The following NCAM2 variants were observed in gnomAD, a reference collection of about 807,000 sequenced individuals.
The protein encoded by NCAM2 is N-CAM-2.
NCAM2 carries 30 observed loss-of-function variants against 98.1 expected under a neutral mutation model. The ratio of observed to expected loss-of-function variants is 0.31; its 90% CI spans 0.23 to 0.41. The LOEUF is 0.41. Among genes scored for constraint, NCAM2 ranks in the 10% least tolerant of loss-of-function variants. The probability of loss-of-function intolerance (pLI) is 1.00; values close to 1 mark genes in which losing one functional copy is unlikely to be tolerated. For synonymous variants in NCAM2, 368 were observed against 342.4 expected (o/e 1.07, Z -0.83); for missense variants, 867 against 1,005.8 (o/e 0.86, Z 1.87).
chr21:21,427,217 A>G (rs1326640324), intron 11 of NCAM2, among the ~76,000 whole-genome samples: 1 of 149,594 alleles, frequency 6.7e-6, no homozygotes, highest in Non-Finnish European at 1.5e-5. Flanking sequence ...AGAGAGTGGG[A>G]TTGAAAACAA....
At chr21:21,445,482 G>A (rs369379510) in intron 12 of NCAM2, among the ~76,000 whole-genome samples, 2 of 152,246 alleles carry the variant, frequency 1.3e-5, no homozygotes. Context: ...CTCTTTGTAG[G>A]TCTGTAAGAG....
intron 1 of NCAM2, among the ~76,000 whole-genome samples, chr21:21,030,561 A>G (rs545372995): frequency 1.2e-4 from 19 of 152,174 alleles, no homozygotes; most frequent in Non-Finnish European, 2.2e-4. Context: ...CACTCCTGCA[A>G]AGTCTTTTTG....
chr21:21,189,421 T>C (rs1435784732), intron 1 of NCAM2, among the ~76,000 whole-genome samples: 1 of 152,190 alleles, frequency 6.6e-6, no homozygotes, highest in Non-Finnish European at 1.5e-5. Context: ...GATTAATAAG[T>C]GAATGTTAAA....
chr21:21,279,726 A>G (rs758931981), intron 1 of NCAM2, among the ~76,000 whole-genome samples: 13 of 152,174 alleles, frequency 8.5e-5, no homozygotes, highest in Non-Finnish European at 1.8e-4. Context: ...TGAAATAAGC[A>G]TTTTGGTTAC....
intron 5 of NCAM2, among the ~76,000 whole-genome samples, chr21:21,299,349 A>T (rs969166784): frequency 6.6e-6 from 1 of 151,056 alleles, no homozygotes; most frequent in Non-Finnish European, 1.5e-5. Flanking sequence ...ATAAAAGCAT[A>T]GGTATTCGGA....
intron 5 of NCAM2, among the ~76,000 whole-genome samples, chr21:21,306,526 T>G (rs1313641062): frequency 3.3e-5 from 5 of 152,134 alleles, no homozygotes; most frequent in Non-Finnish European, 5.9e-5. Context: ...ATGGTGTATC[T>G]TTTTTCCTTT....
intron 13 of NCAM2, among the ~76,000 whole-genome samples, 166 bp from the exon 14 acceptor site, chr21:21,468,496 G>A (rs62216067): frequency 0.029 from 4,352 of 152,030 alleles, 101 homozygotes; most frequent in Admixed American, 0.064. Context: ...CTGCTTCTTG[G>A]ATGGGGAAAA....
At chr21:21,528,558 A>G (rs1257299448) in intron 16 of NCAM2, among the ~76,000 whole-genome samples, 1 of 152,224 alleles carries the variant, frequency 6.6e-6, no homozygotes, top group Admixed American at 6.5e-5. Context: ...TTTGTAGTTT[A>G]TAATTGCTGG....
chr21:21,138,382 C>A (rs1055038585), intron 1 of NCAM2, among the ~76,000 whole-genome samples: 2 of 152,108 alleles, frequency 1.3e-5, no homozygotes, highest in Non-Finnish European at 2.9e-5. Context: ...ATGTGTTTGA[C>A]CTGTCGTTTC....
chr21:21,212,705 C>CTTCTTATA (rs1474924581), intron 1 of NCAM2, among the ~76,000 whole-genome samples: 1 of 146,968 alleles, frequency 6.8e-6, no homozygotes, highest in East Asian at 2.0e-4. Context: ...CTCTATATTG[C>CTTCTTATA]TTCTTATATT....
At chr21:21,190,432 A>T (rs1279209330) in intron 1 of NCAM2, among the ~76,000 whole-genome samples, 1 of 152,148 alleles carries the variant, frequency 6.6e-6, no homozygotes, top group East Asian at 1.9e-4. Context: ...GGGGCAAGAG[A>T]AGAAATTTCA....
intron 12 of NCAM2, among the ~76,000 whole-genome samples, chr21:21,437,475 T>C (rs1978540474): frequency 4.6e-5 from 1 of 21,594 alleles, no homozygotes; most frequent in Non-Finnish European, 8.1e-5. Context: ...ACCAAGATTC[T>C]GTGTGTGTGT....
intron 10 of NCAM2, among the ~76,000 whole-genome samples, chr21:21,412,447 C>T (rs1174765191): frequency 8.4e-6 from 1 of 119,756 alleles, no homozygotes; most frequent in Non-Finnish European, 2.0e-5. Context: ...GATTGAATTT[C>T]GTGAGTAAAT....
intron 4 of NCAM2, among the ~76,000 whole-genome samples, chr21:21,288,622 A>G (rs1601874390): frequency 6.6e-6 from 1 of 151,956 alleles, no homozygotes; most frequent in South Asian, 2.1e-4. Flanking sequence ...AACTTATCAC[A>G]TAAATCATTA....
chr21:21,369,970 A>T (rs1212896244), intron 8 of NCAM2, among the ~76,000 whole-genome samples: 7 of 151,724 alleles, frequency 4.6e-5, no homozygotes, highest in Admixed American at 1.3e-4. Flanking sequence ...GCAACTGCAC[A>T]GATTCTGCAC....
intron 1 of NCAM2, among the ~76,000 whole-genome samples, chr21:21,000,893 TA>T (rs1224612484): frequency 1.3e-5 from 2 of 152,132 alleles, no homozygotes; most frequent in Non-Finnish European, 1.5e-5. Context: ...GGGAGCTGTT[TA>T]AAAAAACAGA....
chr21:21,175,723 A>C (rs1443942679), intron 1 of NCAM2, among the ~76,000 whole-genome samples: 1 of 152,156 alleles, frequency 6.6e-6, no homozygotes. Flanking sequence ...GAGAGTACCT[A>C]GTGTATTTAT....
chr21:21,055,093 A>G (rs2065186039), intron 1 of NCAM2, among the ~76,000 whole-genome samples: 1 of 151,954 alleles, frequency 6.6e-6, no homozygotes, highest in Non-Finnish European at 1.5e-5. Context: ...ACATCTCTTA[A>G]TTTTCAGACA....
At chr21:21,420,342 T>C (rs537031853) in intron 11 of NCAM2, among the ~76,000 whole-genome samples, 2 of 152,024 alleles carry the variant, frequency 1.3e-5, no homozygotes, top group African/African-American at 2.4e-5. Flanking sequence ...TGTTTACTTA[T>C]TTATAAAATT....
Sources: gnomAD v4.1 joint callset for allele counts (sites outside exome capture counted in the v4.1 genomes callset) on GRCh38, gnomAD v4.1.1 for gene constraint, MANE v1.5 for transcripts, NCBI Gene and HGNC (gene_info 2026-07-23, HGNC 2026-07-21) for gene names.